TMEM267: variants seen among roughly 807,000 people sequenced by gnomAD.
TMEM267 encodes the protein transmembrane protein C5orf28.
A neutral mutation model predicts 19.3 loss-of-function variants in TMEM267; 20 were observed. The observed-to-expected ratio is 1.04, with a 90% CI of 0.73 to 1.51. TMEM267 has a LOEUF of 1.51. Ranked by LOEUF, TMEM267 falls within the 40% of genes most tolerant of loss-of-function variation. TMEM267 has a pLI of 0.00. For synonymous variants in TMEM267, 88 were observed against 90.3 expected (o/e 0.97, Z 0.15); for missense variants, 242 against 261.9 (o/e 0.92, Z 0.52).
intron 1 of TMEM267, among the ~76,000 whole-genome samples, chr5:43,474,344 T>C (rs562972687): frequency 6.6e-6 from 1 of 152,088 alleles, no homozygotes; most frequent in Non-Finnish European, 1.5e-5. Context: ...GGGAGAAAAT[T>C]TTTTGCAATC....
chr5:43,467,727 G>T (rs1364390231), intron 1 of TMEM267, among the ~76,000 whole-genome samples: 1 of 152,102 alleles, frequency 6.6e-6, no homozygotes, highest in Non-Finnish European at 1.5e-5. Flanking sequence ...AAACATCCTG[G>T]GTCCTTTCAA....
intron 1 of TMEM267, among the ~76,000 whole-genome samples, chr5:43,474,802 G>A (rs1744315719): frequency 6.6e-6 from 1 of 151,210 alleles, no homozygotes; most frequent in Non-Finnish European, 1.5e-5. Flanking sequence ...CATCATCACT[G>A]GTCATTAGAG....
chr5:43,445,043 A>G lies in TMEM267; in HGVS notation c.*1179T>C, dbSNP rs1332781195. The G allele has an allele frequency of 6.6e-6, 1 of 152,180 alleles. No individual in the cohort carries two copies. Among genetic ancestry groups the G allele is most frequent in the Non-Finnish European group, 1.5e-5 (1 of 68,036 alleles). The allele number at this position is 152,180 out of a possible 1,614,324, so 9.4% of individuals were successfully genotyped here. A position where few individuals can be genotyped will look rare whatever the true frequency, so the allele number is the denominator to read the frequency against. ...CCAATCACTAACATTATAAATCACA[A>G]AAGTGTAAGAAAATCTGAAGACAGC... On this transcript the variant is annotated 3_prime_UTR_variant, in exon 3 of 3. Coordinates refer to ENST00000397080, the MANE Select transcript of TMEM267 (RefSeq NM_022483.5).
At chr5:43,460,549 T>G (rs1402961572) in intron 1 of TMEM267, among the ~76,000 whole-genome samples, 1 of 145,706 alleles carries the variant, frequency 6.9e-6, no homozygotes, top group East Asian at 2.0e-4. Flanking sequence ...CAGAAGGGAT[T>G]AAAAAAAAAA....
chr5:43,465,411 C>G (rs1427181098), intron 1 of TMEM267, among the ~76,000 whole-genome samples: 3 of 152,226 alleles, frequency 2.0e-5, no homozygotes, highest in Non-Finnish European at 4.4e-5. Flanking sequence ...GTGGCGATTC[C>G]TCTGGGATCT....
intron 1 of TMEM267, among the ~76,000 whole-genome samples, chr5:43,482,913 TA>T (rs1172731390): frequency 2.0e-5 from 3 of 152,112 alleles, no homozygotes; most frequent in African/African-American, 7.2e-5. Context: ...TCAAAACAAA[TA>T]AGAGCTGATA....
At chr5:43,478,959 A>C (rs1020488474) in intron 1 of TMEM267, among the ~76,000 whole-genome samples, 1 of 152,116 alleles carries the variant, frequency 6.6e-6, no homozygotes, top group Non-Finnish European at 1.5e-5. Flanking sequence ...TTTATCAAAA[A>C]CCACAAAAAA....
rs968725364 is a variant in TMEM267, at chr5:43,453,975, A to G, written c.-6T>C. The G allele has an allele frequency of 1.2e-6, 2 of 1,612,058 alleles. No homozygotes were observed. The highest frequency in any genetic ancestry group is 1.7e-6 in the Non-Finnish European group (2 of 1,178,602). On this transcript the variant is annotated 5_prime_UTR_variant, in exon 2 of 3. Transcript: ENST00000397080. The stretch of plus-strand genomic sequence containing the variant: ...TTTTCAGTCTCGGATGCCATGACAA[A>G]CAATATGTTAGTATAGACTAAAAGC...
Position 43,453,911 on chromosome 5 carries a change from A to G in TMEM267, c.59T>C (p.Leu20Pro), listed in dbSNP as rs1359632414. The G allele has an allele frequency of 6.8e-6, 11 of 1,613,946 alleles. No homozygotes were observed. The highest frequency in any genetic ancestry group is 9.3e-6 in the Non-Finnish European group (11 of 1,179,868). Residue 20 changes from leucine to proline, a missense_variant, in exon 2 of 3, where the codon CTT becomes CCT. Transcript: ENST00000397080. ...ALLQTCSTES[L>P]ISSLGLGAFC... Reference sequence around the variant, plus strand: ...TGCCCCCAGACCAAGGCTGGAAATAAGAGATTCAGTGCTACAAGTCTGCAG... The same window carrying G: ...TGCCCCCAGACCAAGGCTGGAAATAGGAGATTCAGTGCTACAAGTCTGCAG...
intron 1 of TMEM267, among the ~76,000 whole-genome samples, chr5:43,465,567 A>C (rs1743605200): frequency 6.6e-6 from 1 of 152,224 alleles, no homozygotes; most frequent in Admixed American, 6.5e-5. Flanking sequence ...CAAATGTCCA[A>C]CAATGATAGA....
intron 1 of TMEM267, among the ~76,000 whole-genome samples, chr5:43,460,443 C>T (rs1407816015): frequency 6.6e-6 from 1 of 151,914 alleles, no homozygotes; most frequent in African/African-American, 2.4e-5. Context: ...CACAAGTTAA[C>T]AACTATCTAC....
intron 1 of TMEM267, among the ~76,000 whole-genome samples, chr5:43,471,295 C>T (rs1011338187): frequency 6.6e-6 from 1 of 151,676 alleles, no homozygotes; most frequent in African/African-American, 2.4e-5. Flanking sequence ...GAAGAGGACA[C>T]CAAAAAATTG....
intron 2 of TMEM267, among the ~76,000 whole-genome samples, chr5:43,451,669 C>A (rs4463185): frequency 0.022 from 3,333 of 152,222 alleles, 128 homozygotes; most frequent in African/African-American, 0.076. Context: ...ATTAGTATAA[C>A]CTCTATGGAA....
In TMEM267 at chr5:43,445,976, AAAAAT is replaced by A. The variant is rs1477514094; in HGVS notation, c.*241_*245del. 2.2e-5 allele frequency: 5 copies of A among 231,386 alleles called. No individual in the cohort carries two copies. Among genetic ancestry groups the A allele is most frequent in the Non-Finnish European group, 4.1e-5 (5 of 120,498 alleles). 14.3% of individuals were successfully genotyped at this position (231,386 alleles called of 1,614,324 possible). ...AGCCAGATAAATAGAAAAAAACAGT[AAAAAT>A]ATATTGTGGAATAAATGAAACTCTA... is the stretch of plus-strand genomic sequence containing the variant. On this transcript the variant is annotated 3_prime_UTR_variant, in exon 3 of 3. Transcript: ENST00000397080.
At chr5:43,471,313 A>C (rs1392744190) in intron 1 of TMEM267, among the ~76,000 whole-genome samples, 1 of 152,100 alleles carries the variant, frequency 6.6e-6, no homozygotes, top group African/African-American at 2.4e-5. Flanking sequence ...TTGAAAAATT[A>C]TCCATGTTCA....
intron 1 of TMEM267, among the ~76,000 whole-genome samples, chr5:43,457,284 T>A (rs1425684868): frequency 6.6e-6 from 1 of 152,210 alleles, no homozygotes; most frequent in Non-Finnish European, 1.5e-5. Context: ...AGGGCATCTA[T>A]AAGAATTCTC....
intron 1 of TMEM267, among the ~76,000 whole-genome samples, chr5:43,474,174 C>T (rs540639701): frequency 1.3e-5 from 2 of 152,252 alleles, no homozygotes; most frequent in African/African-American, 2.4e-5. Flanking sequence ...AGAAGAAAAC[C>T]TAGGCAATTT....
intron 1 of TMEM267, among the ~76,000 whole-genome samples, chr5:43,460,346 G>A (rs931970958): frequency 3.9e-5 from 6 of 151,972 alleles, no homozygotes; most frequent in East Asian, 1.9e-4. Flanking sequence ...AAATGTTCAC[G>A]GAACCCCCAT....
rs1742196192 is a variant in TMEM267, at chr5:43,445,599, C to A, written c.*623G>T. On this transcript the variant is annotated 3_prime_UTR_variant, in exon 3 of 3. Transcript: ENST00000397080. ...TAATTTCTGAAATAATAAGCTAGAT[C>A]TAATGTTAGCTACTGGATATTATAA... 1 of 152,116 alleles carries A rather than the reference C, an allele frequency of 6.6e-6. No individual in the cohort carries two copies. Among genetic ancestry groups the A allele is most frequent in the African/African-American group, 2.4e-5 (1 of 41,424 alleles). The allele number at this position is 152,116 out of a possible 1,614,324, so 9.4% of individuals were successfully genotyped here.
Sources: allele counts gnomAD v4.1 joint callset (sites outside exome capture counted in the v4.1 genomes callset), GRCh38; gene constraint gnomAD v4.1.1; transcripts MANE v1.5; gene names NCBI Gene and HGNC (gene_info 2026-07-23, HGNC 2026-07-21).